ZNF236: variants seen among roughly 807,000 people sequenced by gnomAD.
The protein encoded by ZNF236 is regulated by glucose.
A neutral mutation model predicts 191.2 loss-of-function variants in ZNF236; 50 were observed. The observed-to-expected ratio is 0.26, with a 90% CI of 0.21 to 0.33. The LOEUF (loss-of-function observed/expected upper bound fraction) is 0.33, where lower values mean the gene tolerates loss of function less well. Among genes scored for constraint, ZNF236 ranks in the 10% least tolerant of loss-of-function variants. The probability of loss-of-function intolerance (pLI) is 1.00; values close to 1 mark genes in which losing one functional copy is unlikely to be tolerated. For synonymous variants in ZNF236, 907 were observed against 928.8 expected (o/e 0.98, Z 0.43); for missense variants, 1,754 against 2,374.5 (o/e 0.74, Z 5.43).
At chr18:76,888,962 T>C (rs1348272408) in intron 9 of ZNF236, among the ~76,000 whole-genome samples, 1 of 152,204 alleles carries the variant, frequency 6.6e-6, no homozygotes, top group Non-Finnish European at 1.5e-5. Flanking sequence ...AATTGAAGAC[T>C]GAAGAGAACA....
intron 26 of ZNF236, among the ~76,000 whole-genome samples, chr18:76,939,053 C>T (rs1044646713): frequency 4.6e-5 from 7 of 152,088 alleles, no homozygotes; most frequent in African/African-American, 1.4e-4. Flanking sequence ...CAAAAGTAAC[C>T]GACTGGCTGG....
intron 21 of ZNF236, among the ~76,000 whole-genome samples, chr18:76,923,414 C>T (rs752049672): frequency 8.5e-5 from 13 of 152,130 alleles, no homozygotes; most frequent in Non-Finnish European, 1.8e-4. Flanking sequence ...AAAATTGTCA[C>T]GTATTCTTAC....
In ZNF236 at chr18:76,972,787, T is replaced by A. The variant is rs972012840; in HGVS notation, c.*4448T>A. 6.6e-6 allele frequency among the ~76,000 whole-genome samples: 1 copy of A among 152,246 alleles called. No homozygotes were observed. The highest frequency in any genetic ancestry group is 1.5e-5 in the Non-Finnish European group (1 of 68,040). On this transcript the variant is annotated 3_prime_UTR_variant, in exon 31 of 31. Transcript: ENST00000320610. The stretch of plus-strand genomic sequence containing the variant: ...CTTCACAATTGTTTCATGATCTATT[T>A]ATACATTGGATGATATTTATTTAAT...
intron 26 of ZNF236, among the ~76,000 whole-genome samples, chr18:76,942,750 G>A (rs1296547337): frequency 1.3e-5 from 2 of 149,994 alleles, no homozygotes; most frequent in East Asian, 2.0e-4. Context: ...TCCTGACCTC[G>A]TGATCCGCCC....
chr18:76,952,484 G>A (rs538498345), intron 27 of ZNF236, among the ~76,000 whole-genome samples: 1 of 152,322 alleles, frequency 6.6e-6, no homozygotes, highest in Admixed American at 6.5e-5. Flanking sequence ...CTGTGCTTCT[G>A]GGAGGAAGCT....
Position 76,880,534 on chromosome 18 carries a change from A to C in ZNF236, c.1188+218A>C, listed in dbSNP as rs1211544608. ...ATCTATACATTAAAAAAAAAATCAC[A>C]AACTTTTATTTTTTTTCCATAAGTG... On this transcript the variant is annotated intron_variant, in intron 8 of 30. Coordinates refer to ENST00000320610, the MANE Select transcript of ZNF236 (RefSeq NM_001306089.2). This position sits in a 1 kb window ranked among gnomAD's most constrained non-coding sequence, Gnocchi z 5.0. Among the ~76,000 whole-genome samples the C allele has an allele frequency of 6.6e-6, 1 of 152,146 alleles. No homozygotes were observed. The highest frequency in any genetic ancestry group is 2.4e-5 in the African/African-American group (1 of 41,424).
At chr18:76,933,518 C>CAG (rs1308124586) in intron 25 of ZNF236, among the ~76,000 whole-genome samples, 1 of 151,226 alleles carries the variant, frequency 6.6e-6, no homozygotes, top group African/African-American at 2.4e-5. Flanking sequence ...CTCTCACTCT[C>CAG]TCTCTCTCTC....
At chr18:76,893,417 G>T (rs934365385) in intron 9 of ZNF236, among the ~76,000 whole-genome samples, 1 of 152,096 alleles carries the variant, frequency 6.6e-6, no homozygotes, top group Non-Finnish European at 1.5e-5. Context: ...TTACCCCCGT[G>T]ATTTGTGTCT....
intron 9 of ZNF236, among the ~76,000 whole-genome samples, chr18:76,889,423 C>T (rs1243583088): frequency 6.6e-6 from 1 of 152,194 alleles, no homozygotes; most frequent in African/African-American, 2.4e-5. Flanking sequence ...GGGCAGATAC[C>T]TTTTGATGCC....
chr18:76,946,608 C>T (rs1419294572), intron 26 of ZNF236, among the ~76,000 whole-genome samples: 2 of 152,216 alleles, frequency 1.3e-5, no homozygotes, highest in African/African-American at 4.8e-5. Context: ...GTGCTGATTA[C>T]AGCAGTTCAA....
chr18:76,872,782 A>G (rs1396156804), intron 5 of ZNF236, among the ~76,000 whole-genome samples: 1 of 152,200 alleles, frequency 6.6e-6, no homozygotes, highest in African/African-American at 2.4e-5. Context: ...AATTAAAATG[A>G]TCCATGCTTT....
At position 76,919,708 on chromosome 18, in the gene ZNF236, A is replaced by C. The variant is rs576279661; in HGVS notation, c.3275-68A>C. 1.3e-6 allele frequency: 2 copies of C among 1,557,296 alleles called. No homozygotes were observed. The highest frequency in any genetic ancestry group is 2.4e-5 in the South Asian group (2 of 85,070). On this transcript the variant is annotated intron_variant, in intron 19 of 30. Coordinates refer to ENST00000320610, the MANE Select transcript of ZNF236 (RefSeq NM_001306089.2). This position sits in a 1 kb window ranked among gnomAD's most constrained non-coding sequence, Gnocchi z 5.3. ...ATTACATACATACCTATTTAGTTTT[A>C]ATTGTTTTGCTAAAAACCTAGGTTT...
At chr18:76,928,439 T>C (rs1442180929) in intron 25 of ZNF236, among the ~76,000 whole-genome samples, 2 of 152,244 alleles carry the variant, frequency 1.3e-5, no homozygotes, top group Non-Finnish European at 2.9e-5. Flanking sequence ...TCATGCTCCA[T>C]GAAACTGGTA....
intron 1 of ZNF236, among the ~76,000 whole-genome samples, chr18:76,838,892 C>A (rs1182204345): frequency 6.6e-6 from 1 of 152,184 alleles, no homozygotes; most frequent in East Asian, 1.9e-4. Flanking sequence ...CCAGTAAGGA[C>A]CCTCCTTGTT....
intron 25 of ZNF236, 77 bp downstream of exon 25, chr18:76,928,183 A>C (rs901777271): frequency 1.7e-6 from 2 of 1,205,736 alleles, no homozygotes; most frequent in African/African-American, 3.1e-5. Context: ...CTTTTCCTAC[A>C]ATACTCTGCT....
At chr18:76,837,662 G>A (rs918664179) in intron 1 of ZNF236, among the ~76,000 whole-genome samples, 1 of 151,790 alleles carries the variant, frequency 6.6e-6, no homozygotes, top group African/African-American at 2.4e-5. Context: ...GGCTGGTCTC[G>A]AACTCCTAAT....
chr18:76,947,223 C>T (rs1056105320), intron 26 of ZNF236, among the ~76,000 whole-genome samples: 10 of 152,138 alleles, frequency 6.6e-5, no homozygotes, highest in African/African-American at 1.7e-4. Context: ...GAACTTTGTA[C>T]CTTCTTATTA....
intron 6 of ZNF236, 53 bp from the exon 7 acceptor site, chr18:76,877,956 T>C (rs1976761555): frequency 1.4e-6 from 2 of 1,407,954 alleles, no homozygotes; most frequent in Non-Finnish European, 1.9e-6. Context: ...TTTAGATGTT[T>C]AAATTTAACA....
rs1171053138 is a variant in ZNF236 at position 76,923,059 on chromosome 18, C to T, written c.3558-12C>T. The stretch of plus-strand genomic sequence containing the variant: ...TTTGTCAATATGTCTATAATTAATG[C>T]TTTTTGGATAGGCATGTTCGAATCC... On this transcript the variant is annotated splice_polypyrimidine_tract_variant and intron_variant, in intron 20 of 30. Coordinates refer to ENST00000320610, the MANE Select transcript of ZNF236 (RefSeq NM_001306089.2). 6.3e-7 allele frequency: 1 copy of T among 1,592,292 alleles called. No individual in the cohort carries two copies. The highest frequency in any genetic ancestry group is 1.7e-5 in the Admixed American group (1 of 59,846).
Sources: gnomAD v4.1 joint callset for allele counts (sites outside exome capture counted in the v4.1 genomes callset) on GRCh38, gnomAD v4.1.1 for gene constraint, Gnocchi (gnomAD v3.1) non-coding constraint, MANE v1.5 for transcripts, NCBI Gene and HGNC (gene_info 2026-07-23, HGNC 2026-07-21) for gene names.